The following CDC7 variants were observed in gnomAD, a reference collection of about 807,000 sequenced individuals.
CDC7 encodes cell division cycle 7.
Under a neutral mutation model 53.5 loss-of-function variants are expected in CDC7, and 34 were observed. The ratio of observed to expected loss-of-function variants is 0.64; its 90% confidence interval spans 0.48 to 0.85. The LOEUF is 0.85. Ranked by LOEUF, CDC7 falls within the 40% of genes least tolerant of loss-of-function variation. CDC7 has a pLI of 0.00. For missense variants in CDC7, 594 were observed against 679.7 expected (o/e 0.87, Z 1.40); for synonymous variants, 211 against 222.8 (o/e 0.95, Z 0.47).
At chr1:91,515,679 CTTA>C (rs1553149057) in intron 9 of CDC7, 112 bp from the exon 10 acceptor site, 37 of 1,162,938 alleles carry the variant, frequency 3.2e-5, no homozygotes, top group South Asian at 1.6e-5. Context: ...TATAGTAACA[CTTA>C]TTATATAGGT....
intron 11 of CDC7, among the ~76,000 whole-genome samples, chr1:91,522,457 C>A (rs547687694): frequency 5.6e-4 from 86 of 152,232 alleles, no homozygotes; most frequent in African/African-American, 2.0e-3. Flanking sequence ...AAAGAAAAGT[C>A]TTGAGCTGAA....
Position 91,511,832 on chromosome 1 carries a change from C to T in CDC7, c.481C>T (p.Leu161=), listed in dbSNP as rs770145582. 1.9e-6 allele frequency: 3 copies of T among 1,605,748 alleles called. No individual in the cohort carries two copies. Among genetic ancestry groups the T allele is most frequent in the African/African-American group, 1.3e-5 (1 of 74,798 alleles). ...FQEVREYMLN[L]FKALKRIHQF... ...AGAAGTACGGGAATATATGCTTAAT[C>T]TGTTCAAAGCTTTGAAACGCATTCA... The change falls in exon 6 of 12, where the codon CTG becomes TTG. Residue 161 remains leucine, a synonymous_variant. Transcript: ENST00000234626.
chr1:91,503,962 A>G (rs189848265), intron 2 of CDC7, among the ~76,000 whole-genome samples: 104 of 152,210 alleles, frequency 6.8e-4, no homozygotes, highest in Admixed American at 6.8e-3. Context: ...TCCATTGCAT[A>G]TTATATTATA....
At chr1:91,516,116 G>A (rs182411465) in intron 10 of CDC7, among the ~76,000 whole-genome samples, 20 of 150,536 alleles carry the variant, frequency 1.3e-4, no homozygotes, top group South Asian at 2.1e-4. Context: ...TACATTTTGC[G>A]TATTTATTTA....
At chr1:91,518,618 G>A (rs1425905582) in intron 10 of CDC7, among the ~76,000 whole-genome samples, 1 of 152,134 alleles carries the variant, frequency 6.6e-6, no homozygotes, top group African/African-American at 2.4e-5. Flanking sequence ...ATTATGTCAG[G>A]TGAAATAAGC....
At chr1:91,513,900 G>A (rs1667416493) in intron 7 of CDC7, 48 bp from the exon 8 acceptor site, 1 of 1,315,648 alleles carries the variant, frequency 7.6e-7, no homozygotes, top group African/African-American at 1.5e-5. Context: ...CTGGCAGAAA[G>A]TGTTACAGAT....
chr1:91,522,256 CT>C, intron 11 of CDC7, among the ~76,000 whole-genome samples: 1 of 152,308 alleles, frequency 6.6e-6, no homozygotes, highest in South Asian at 2.1e-4. Flanking sequence ...CTTACTATAA[CT>C]TTGGACTGAG....
At chr1:91,519,410 CAG>C (rs1156490480) in intron 10 of CDC7, among the ~76,000 whole-genome samples, 1 of 151,998 alleles carries the variant, frequency 6.6e-6, no homozygotes, top group African/African-American at 2.4e-5. Context: ...GTCTGGGCCA[CAG>C]AGGGAGACCT....
chr1:91,508,311 T>G lies in CDC7; in HGVS notation c.249T>G (p.Pro83=), dbSNP rs764356627. ...YLATAQLQVG[P]EEKIALKHLI... ...CCACAGCACAGTTACAAGTAGGACCTGAAGAGAAAATTGCTCTAAAACACT... is the reference window on the plus strand; with the variant it reads ...CCACAGCACAGTTACAAGTAGGACCGGAAGAGAAAATTGCTCTAAAACACT... Residue 83 remains proline, a synonymous_variant, in exon 4 of 12, where the codon CCT becomes CCG. Transcript: ENST00000234626. The G allele has an allele frequency of 6.2e-6, 10 of 1,612,398 alleles. No homozygotes were observed. The highest frequency in any genetic ancestry group is 8.5e-6 in the Non-Finnish European group (10 of 1,178,896).
At chr1:91,515,927 G>A (rs13447519) in intron 10 of CDC7, 51 bp downstream of exon 10, 48,938 of 1,387,940 alleles carry the variant, frequency 0.035, 1,016 homozygotes, top group African/African-American at 0.07. Flanking sequence ...TGTTCCAGAC[G>A]TATTTTATTT....
chr1:91,506,337 C>G (rs908648431), intron 2 of CDC7, among the ~76,000 whole-genome samples: 1 of 152,024 alleles, frequency 6.6e-6, no homozygotes, highest in African/African-American at 2.4e-5. Context: ...TCCCCCTACC[C>G]TAATCATCCA....
chr1:91,521,067 C>A (rs955743062), intron 11 of CDC7, among the ~76,000 whole-genome samples: 1 of 152,196 alleles, frequency 6.6e-6, no homozygotes, highest in African/African-American at 2.4e-5. Flanking sequence ...CAGCTTACTA[C>A]CATACAATAC....
At chr1:91,505,473 A>G (rs1356208160) in intron 2 of CDC7, among the ~76,000 whole-genome samples, 1 of 152,190 alleles carries the variant, frequency 6.6e-6, no homozygotes, top group Non-Finnish European at 1.5e-5. Flanking sequence ...GTAGTTAAGG[A>G]GACTATTGGT....
chr1:91,523,905 T>C (rs1403244562), intron 11 of CDC7, 136 bp from the exon 12 acceptor site: 2 of 560,742 alleles, frequency 3.6e-6, no homozygotes, highest in African/African-American at 4.6e-5. Flanking sequence ...TGTGTGTGTG[T>C]GTGTGTGTGT....
chr1:91,514,449 A>T (rs1667451766), intron 8 of CDC7, among the ~76,000 whole-genome samples: 1 of 152,228 alleles, frequency 6.6e-6, no homozygotes, highest in Admixed American at 6.5e-5. Context: ...TGACAGCTAG[A>T]CAGCATGAGC....
chr1:91,513,373 G>A, intron 7 of CDC7, 66 bp downstream of exon 7: 2 of 1,454,292 alleles, frequency 1.4e-6, no homozygotes, highest in Non-Finnish European at 9.5e-7. Flanking sequence ...AACCAACAGA[G>A]GGAGATAGAA....
chr1:91,517,788 T>A (rs1247560839), intron 10 of CDC7, among the ~76,000 whole-genome samples: 1 of 151,694 alleles, frequency 6.6e-6, no homozygotes, highest in East Asian at 1.9e-4. Context: ...CAGGCAGAGG[T>A]ACCAAAGGAG....
Position 91,525,588 on chromosome 1 carries a change from A to T in CDC7, c.*1153A>T, listed in dbSNP as rs750470475. ...CATAGAATACAGAAATAGTTTAGGG[A>T]CATGTATTCATTTTGTTATTTTGAG... On this transcript the variant is annotated 3_prime_UTR_variant, in exon 12 of 12. Transcript: ENST00000234626. 2.0e-5 allele frequency: 3 copies of T among 152,130 alleles called. No homozygotes were observed. The highest frequency in any genetic ancestry group is 1.3e-4 in the Admixed American group (2 of 15,274). The allele number at this position is 152,130 out of a possible 1,614,324, so 9.4% of individuals were successfully genotyped here.
At chr1:91,522,142 C>T (rs554377471) in intron 11 of CDC7, among the ~76,000 whole-genome samples, 12 of 152,052 alleles carry the variant, frequency 7.9e-5, no homozygotes, top group African/African-American at 1.4e-4. Context: ...TCCAGCCTGA[C>T]GACAGAGCAA....
Sources: allele counts gnomAD v4.1 joint callset (sites outside exome capture counted in the v4.1 genomes callset), GRCh38; gene constraint gnomAD v4.1.1; transcripts MANE v1.5; gene names NCBI Gene and HGNC (gene_info 2026-07-23, HGNC 2026-07-21).